The following AACS variants were observed in gnomAD, a reference collection of about 807,000 sequenced individuals.
AACS encodes acetoacetyl-CoA synthetase.
Under a neutral mutation model 83.1 loss-of-function variants are expected in AACS, and 69 were observed. The observed-to-expected ratio is 0.83, with a 90% confidence interval of 0.68 to 1.01. AACS has a LOEUF of 1.01. Ranked by LOEUF, AACS falls within the 50% of genes least tolerant of loss-of-function variation. AACS has a pLI of 0.00. For missense variants in AACS, 866 were observed against 882.2 expected, an observed-to-expected ratio of 0.98 and a Z score of 0.23; for synonymous variants, 333 against 343.4, an observed-to-expected ratio of 0.97 and a Z score of 0.33.
chr12:125,133,374 G>A (rs553164824), intron 14 of AACS, among the ~76,000 whole-genome samples: 160 of 152,306 alleles, frequency 1.1e-3, no homozygotes, highest in African/African-American at 3.7e-3. Context: ...GGCCTTCTCT[G>A]AACAGCTGCA....
chr12:125,074,659 A>ATT (rs1955969947), intron 2 of AACS, among the ~76,000 whole-genome samples: 2 of 140,610 alleles, frequency 1.4e-5, no homozygotes, highest in African/African-American at 2.8e-5. Context: ...ACATTGTTGT[A>ATT]GTTTTTTTTT....
chr12:125,125,023 A>G lies in AACS; in HGVS notation c.1308A>G (p.Ser436=), dbSNP rs186498083. 1.9e-6 allele frequency: 3 copies of G among 1,614,008 alleles called. No individual in the cohort carries two copies. Among genetic ancestry groups the G allele is most frequent in the Non-Finnish European group, 2.5e-6 (3 of 1,180,022 alleles). Residue 436 remains serine, a splice_region_variant and synonymous_variant, in exon 12 of 18, where the codon TCA becomes TCG. Coordinates refer to ENST00000316519, the MANE Select transcript of AACS (RefSeq NM_023928.5). Reference sequence around the variant, plus strand: ...GCAGCATCCTCCTGGGCTCCATCTCAGGTATGGCCCCGGTGGGGACAGTCC... The same window carrying G: ...GCAGCATCCTCCTGGGCTCCATCTCGGGTATGGCCCCGGTGGGGACAGTCC... ...IKSSILLGSI[S]GGTDIISCFM... is the part of the protein sequence containing the mutation.
chr12:125,082,530 AAG>A (rs1329251688), intron 3 of AACS, among the ~76,000 whole-genome samples: 1 of 138,046 alleles, frequency 7.2e-6, no homozygotes, highest in Non-Finnish European at 1.5e-5. Flanking sequence ...CACTTTCTAA[AAG>A]AGACAATTCG....
At chr12:125,132,663 C>T (rs937617617) in intron 14 of AACS, among the ~76,000 whole-genome samples, 3 of 151,988 alleles carry the variant, frequency 2.0e-5, no homozygotes, top group African/African-American at 4.8e-5. Context: ...CTTGGGGAGG[C>T]GGGAGGAAAG....
chr12:125,085,934 C>T (rs534908593), intron 3 of AACS, among the ~76,000 whole-genome samples: 12 of 152,100 alleles, frequency 7.9e-5, no homozygotes, highest in Admixed American at 3.3e-4. Flanking sequence ...GGACTACAGA[C>T]GTGTGCCACT....
In AACS at chr12:125,096,630, C is replaced by G. The variant is rs115002126; in HGVS notation, c.570+5107C>G. On this transcript the variant is annotated intron_variant, in intron 5 of 17. Coordinates refer to ENST00000316519, the MANE Select transcript of AACS (RefSeq NM_023928.5). ...GAAAGGGAGGAGTAAGGACCATGGC[C>G]TTAGAGTAGGTTGAATGTGTTACCT... is the stretch of plus-strand genomic sequence containing the variant. Among the ~76,000 whole-genome samples the G allele has an allele frequency of 3.9e-3, 591 of 152,258 alleles. 5 individuals are homozygous for G. Among genetic ancestry groups the G allele is most frequent in the African/African-American group, 0.014 (564 of 41,554 alleles).
At chr12:125,092,126 A>C (rs2136076671) in intron 5 of AACS, among the ~76,000 whole-genome samples, 1 of 152,186 alleles carries the variant, frequency 6.6e-6, no homozygotes, top group East Asian at 1.9e-4. Flanking sequence ...GGGCAAATGA[A>C]GCAGCCGCAG....
At chr12:125,138,060 G>A (rs1264367831) in intron 17 of AACS, among the ~76,000 whole-genome samples, 1 of 152,150 alleles carries the variant, frequency 6.6e-6, no homozygotes, top group Non-Finnish European at 1.5e-5. Context: ...CAGGAGTGGG[G>A]GCTGGGGAGA....
Position 125,065,462 on chromosome 12 carries a change from G to T in AACS, c.-123G>T. On this transcript the variant is annotated 5_prime_UTR_variant, in exon 1 of 18. Coordinates refer to ENST00000316519, the MANE Select transcript of AACS (RefSeq NM_023928.5). ...TCCCTTGTTCCCCGCCGCCGCCGTC[G>T]CTGACCCAGCCCGCCAGGCGCTCCT... 1 of 1,101,570 alleles carries T rather than the reference G, an allele frequency of 9.1e-7. No individual in the cohort carries two copies. Among genetic ancestry groups the T allele is most frequent in the Non-Finnish European group, 1.2e-6 (1 of 835,088 alleles). 68.2% of individuals were successfully genotyped at this position (1,101,570 alleles called of 1,614,324 possible).
intron 7 of AACS, among the ~76,000 whole-genome samples, chr12:125,104,158 T>G (rs143001421): frequency 6.6e-6 from 1 of 152,236 alleles, no homozygotes; most frequent in African/African-American, 2.4e-5. Flanking sequence ...GGTTCTGAGC[T>G]CAGGCGTTTA....
chr12:125,134,181 C>T (rs7133108), intron 15 of AACS, 109 bp downstream of exon 15: 31 of 1,166,490 alleles, frequency 2.7e-5, no homozygotes, highest in East Asian at 7.7e-5. Context: ...TTCCTGGGCA[C>T]CTCACTCCAC....
In AACS at chr12:125,142,792, T is replaced by C. The variant is rs1357771759; in HGVS notation, c.*563T>C. Reference sequence around the variant, plus strand: ...TGTGTCATGGATGCAATGCAGGCCCTGGAGGACTGTGCGTCACCCGTCAAC... The same window carrying C: ...TGTGTCATGGATGCAATGCAGGCCCCGGAGGACTGTGCGTCACCCGTCAAC... On this transcript the variant is annotated 3_prime_UTR_variant, in exon 18 of 18. Transcript: ENST00000316519. 1 of 153,206 alleles carries C rather than the reference T, an allele frequency of 6.5e-6. No homozygotes were observed. The highest frequency in any genetic ancestry group is 1.5e-5 in the Non-Finnish European group (1 of 68,724). The allele number at this position is 153,206 out of a possible 1,614,324, so 9.5% of individuals were successfully genotyped here.
At chr12:125,077,726 T>TC (rs1565923892) in intron 3 of AACS, among the ~76,000 whole-genome samples, 1 of 152,108 alleles carries the variant, frequency 6.6e-6, no homozygotes, top group Admixed American at 6.5e-5. Context: ...AATTTTTTTT[T>TC]TTTTTGAGAT....
In AACS at chr12:125,140,069, G is replaced by T. The variant is rs548430841; in HGVS notation, c.1882-2023G>T. 1 of 152,198 alleles carries T rather than the reference G, an allele frequency of 6.6e-6. No individual in the cohort carries two copies. The highest frequency in any genetic ancestry group is 1.5e-5 in the Non-Finnish European group (1 of 68,076). 9.4% of individuals were successfully genotyped at this position (152,198 alleles called of 1,614,324 possible). A position where few individuals can be genotyped will look rare whatever the true frequency, so the allele number is the denominator to read the frequency against. ...TGCTCACCCAGAATAAAGACCTGGG[G>T]ACCCCGCGAGGGTCATGGCCAAGTG... On this transcript the variant is annotated intron_variant, in intron 17 of 17. Coordinates refer to ENST00000316519, the MANE Select transcript of AACS (RefSeq NM_023928.5). This position sits in a 1 kb window ranked among gnomAD's most constrained non-coding sequence, Gnocchi z 5.1.
intron 4 of AACS, among the ~76,000 whole-genome samples, chr12:125,088,632 G>C (rs1046149942): frequency 2.0e-5 from 3 of 152,150 alleles, no homozygotes; most frequent in African/African-American, 4.8e-5. Flanking sequence ...AATGCAAAAT[G>C]TTCTGTCCCC....
intron 3 of AACS, among the ~76,000 whole-genome samples, chr12:125,079,233 T>A (rs1956105859): frequency 6.6e-6 from 1 of 151,472 alleles, no homozygotes; most frequent in Non-Finnish European, 1.5e-5. Context: ...TCCAGGAGTG[T>A]GGGGAGGTGT....
intron 17 of AACS, among the ~76,000 whole-genome samples, chr12:125,137,994 C>T (rs1565957860): frequency 1.3e-5 from 2 of 152,182 alleles, no homozygotes; most frequent in African/African-American, 4.8e-5. Context: ...CTTTGAAACC[C>T]GTAGATCATT....
chr12:125,091,354 A>G, intron 4 of AACS, 72 bp from the exon 5 acceptor site: 1 of 1,506,676 alleles, frequency 6.6e-7, no homozygotes, highest in South Asian at 1.2e-5. Flanking sequence ...TGGCTCTCAG[A>G]GAAACCTTTT....
chr12:125,090,227 T>C (rs369868594), intron 4 of AACS, among the ~76,000 whole-genome samples: 252 of 3,466 alleles, frequency 0.073, 31 homozygotes, highest in Middle Eastern at 0.1. Flanking sequence ...ATCCATCCAT[T>C]TATTATGCTT....
Sources: allele counts gnomAD v4.1 joint callset (sites outside exome capture counted in the v4.1 genomes callset), GRCh38; gene constraint gnomAD v4.1.1; non-coding constraint Gnocchi (gnomAD v3.1); transcripts MANE v1.5; gene names NCBI Gene and HGNC (gene_info 2026-07-23, HGNC 2026-07-21).